Variants in NCOA1 observed in about 807,000 individuals in gnomAD.
NCOA1 encodes the protein Hin-2 protein.
In NCOA1, 35 loss-of-function variants were observed where a neutral mutation model predicts 150.9. That is an observed-to-expected ratio of 0.23 (90% CI 0.18 to 0.31). The LOEUF is 0.31. Ranked by LOEUF, NCOA1 falls within the 10% of genes least tolerant of loss-of-function variation. The pLI is 1.00. For missense variants in NCOA1, 1,491 were observed against 1,749.3 expected (o/e 0.85, Z 2.63); for synonymous variants, 590 against 630.0 (o/e 0.94, Z 0.95).
chr2:24,594,624 C>T (rs1667813885), intron 3 of NCOA1, among the ~76,000 whole-genome samples: 1 of 152,058 alleles, frequency 6.6e-6, no homozygotes, highest in Non-Finnish European at 1.5e-5. Flanking sequence ...AAATCCTTAA[C>T]ATCGGTATTA....
intron 14 of NCOA1, among the ~76,000 whole-genome samples, chr2:24,715,065 G>C (rs1572631841): frequency 6.6e-6 from 1 of 152,022 alleles, no homozygotes; most frequent in Admixed American, 6.5e-5. Context: ...CTAACTTTCT[G>C]TATCCAGTAT....
At chr2:24,672,282 A>G (rs893346216) in intron 6 of NCOA1, among the ~76,000 whole-genome samples, 1 of 152,192 alleles carries the variant, frequency 6.6e-6, no homozygotes, top group Non-Finnish European at 1.5e-5. Flanking sequence ...TGCAACATGT[A>G]TTTATTTAAA....
intron 13 of NCOA1, among the ~76,000 whole-genome samples, chr2:24,710,687 A>G (rs1213119789): frequency 6.6e-6 from 1 of 150,934 alleles, no homozygotes; most frequent in African/African-American, 2.4e-5. Flanking sequence ...AGCCAAATAT[A>G]TGTGTATTAT....
chr2:24,550,101 C>T (rs1013255105), intron 1 of NCOA1, among the ~76,000 whole-genome samples: 2 of 152,186 alleles, frequency 1.3e-5, no homozygotes, highest in African/African-American at 2.4e-5. Context: ...ATTTCATTGT[C>T]CTTATCATTA....
intron 6 of NCOA1, among the ~76,000 whole-genome samples, chr2:24,670,990 C>T (rs916332313): frequency 6.6e-6 from 1 of 152,148 alleles, no homozygotes; most frequent in Non-Finnish European, 1.5e-5. Flanking sequence ...TTGTCAATAC[C>T]TAGTGATATA....
intron 15 of NCOA1, 116 bp downstream of exon 15, chr2:24,726,822 G>T: frequency 1.5e-4 from 50 of 332,070 alleles, no homozygotes; most frequent in East Asian, 2.3e-4. Flanking sequence ...ATTAATAGAT[G>T]TAAATACTTA....
intron 19 of NCOA1, among the ~76,000 whole-genome samples, chr2:24,749,263 C>A (rs958487222): frequency 6.6e-6 from 1 of 152,140 alleles, no homozygotes; most frequent in African/African-American, 2.4e-5. Flanking sequence ...AGGAGCCAGG[C>A]CATTTCCCTG....
intron 1 of NCOA1, among the ~76,000 whole-genome samples, chr2:24,559,186 C>T (rs915957199): frequency 4.6e-5 from 7 of 152,096 alleles, no homozygotes; most frequent in East Asian, 1.9e-4. Flanking sequence ...GCTAAAAGGA[C>T]GAGACTAAGG....
chr2:24,769,524 G>T lies in NCOA1; in HGVS notation c.*1133G>T, dbSNP rs1403619754. On this transcript the variant is annotated 3_prime_UTR_variant, in exon 23 of 23. Transcript: ENST00000348332. ...GATCTAGAGCATACTGCCCTAGAGT[G>T]TCCCTGGGATCATCTGAACAGAAGT... is the stretch of plus-strand genomic sequence containing the variant. 9.9e-6 allele frequency: 2 copies of T among 201,008 alleles called. No individual in the cohort carries two copies. Among genetic ancestry groups the T allele is most frequent in the Non-Finnish European group, 2.1e-5 (2 of 97,296 alleles). The allele number at this position is 201,008 out of a possible 1,614,324, so 12.5% of individuals were successfully genotyped here. A position where few individuals can be genotyped will look rare whatever the true frequency, so the allele number is the denominator to read the frequency against.
intron 4 of NCOA1, among the ~76,000 whole-genome samples, chr2:24,644,547 C>G (rs56153763): frequency 8.8e-4 from 133 of 151,720 alleles, no homozygotes; most frequent in African/African-American, 3.1e-3. Context: ...TAATATATAC[C>G]TATGTAATTT....
chr2:24,697,838 C>T (rs757471134), intron 11 of NCOA1, 40 bp downstream of exon 11: 5 of 1,566,016 alleles, frequency 3.2e-6, no homozygotes, highest in Admixed American at 1.7e-5. Context: ...TAACCCTTAT[C>T]TTTACTGATA....
At chr2:24,693,369 A>C (rs1368784580) in intron 10 of NCOA1, 22 bp downstream of exon 10, 1 of 1,575,848 alleles carries the variant, frequency 6.3e-7, no homozygotes, top group East Asian at 2.2e-5. Context: ...AAAGTTCAGA[A>C]TGTTCCATAG....
chr2:24,582,946 A>G (rs1288324516), intron 2 of NCOA1, among the ~76,000 whole-genome samples: 1 of 152,254 alleles, frequency 6.6e-6, no homozygotes, highest in East Asian at 1.9e-4. Flanking sequence ...ACAAAAATCA[A>G]CTCCAAATGG....
At chr2:24,525,050 A>G (rs1033367996) in intron 1 of NCOA1, among the ~76,000 whole-genome samples, 2 of 152,152 alleles carry the variant, frequency 1.3e-5, no homozygotes, top group Non-Finnish European at 2.9e-5. Flanking sequence ...AGCCTTAGAG[A>G]ATCTGAGGGT....
chr2:24,746,276 C>T (rs1325922963), intron 19 of NCOA1, among the ~76,000 whole-genome samples: 1 of 152,224 alleles, frequency 6.6e-6, no homozygotes, highest in Non-Finnish European at 1.5e-5. Flanking sequence ...GGCACGGTGG[C>T]TCACGCCTGT....
rs190797453 is a variant in NCOA1 at position 24,674,773 on chromosome 2, C to A, written c.354+1310C>A. Among the ~76,000 whole-genome samples the A allele has an allele frequency of 9.9e-5, 15 of 152,154 alleles. No individual in the cohort carries two copies. The East Asian group carries it at 2.7e-3, about 27-fold the overall frequency. On this transcript the variant is annotated intron_variant, in intron 7 of 22. Coordinates refer to ENST00000348332, the MANE Select transcript of NCOA1 (RefSeq NM_003743.5). The stretch of plus-strand genomic sequence containing the variant: ...TGGGCATTTTTTTTTAAGCTCATTT[C>A]CTCCCTTTGCTGTCTAAAATTCCTC...
chr2:24,510,380 T>C (rs1190953360), intron 1 of NCOA1, among the ~76,000 whole-genome samples: 2 of 152,126 alleles, frequency 1.3e-5, no homozygotes, highest in Non-Finnish European at 2.9e-5. Context: ...GGGGTCTTGC[T>C]CTGTTGCCCA....
rs1292311599 is a variant in NCOA1, at chr2:24,644,039, C to T, written c.-101C>T. ...CCATCTCTGGAAAACATCATTATCCCATTCCCCGGGAAGCTACCCTCTGGA... is the reference window on the plus strand; with the variant it reads ...CCATCTCTGGAAAACATCATTATCCTATTCCCCGGGAAGCTACCCTCTGGA... On this transcript the variant is annotated 5_prime_UTR_variant, in exon 4 of 23. Coordinates refer to ENST00000348332, the MANE Select transcript of NCOA1 (RefSeq NM_003743.5). 1.3e-5 allele frequency: 2 copies of T among 152,136 alleles called. No homozygotes were observed. The highest frequency in any genetic ancestry group is 2.9e-5 in the Non-Finnish European group (2 of 68,026). 9.4% of individuals were successfully genotyped at this position (152,136 alleles called of 1,614,324 possible).
chr2:24,507,598 G>C (rs1214804031), intron 1 of NCOA1, among the ~76,000 whole-genome samples: 1 of 151,698 alleles, frequency 6.6e-6, no homozygotes, highest in Non-Finnish European at 1.5e-5. Flanking sequence ...AAACATTTCA[G>C]ATCTATTGTT....
Sources: gnomAD v4.1 joint callset for allele counts (sites outside exome capture counted in the v4.1 genomes callset) on GRCh38, gnomAD v4.1.1 for gene constraint, MANE v1.5 for transcripts, NCBI Gene and HGNC (gene_info 2026-07-23, HGNC 2026-07-21) for gene names.